The following ACSS3 variants were observed in gnomAD, a reference collection of about 807,000 sequenced individuals.
The protein encoded by ACSS3 is acyl-CoA synthetase short-chain family member 3, mitochondrial.
Under a neutral mutation model 84.2 loss-of-function variants are expected in ACSS3, and 64 were observed. That is an observed-to-expected ratio of 0.76 (90% CI 0.62 to 0.94). The LOEUF (loss-of-function observed/expected upper bound fraction) is 0.94, where lower values mean the gene tolerates loss of function less well. Among genes scored for constraint, ACSS3 ranks in the 40% least tolerant of loss-of-function variants. The probability of loss-of-function intolerance (pLI) is 0.00; values close to 1 mark genes in which losing one functional copy is unlikely to be tolerated. For synonymous variants in ACSS3, 317 were observed against 310.1 expected, an observed-to-expected ratio of 1.02 and a Z score of -0.23; for missense variants, 815 against 867.6, an observed-to-expected ratio of 0.94 and a Z score of 0.76.
At chr12:81,138,298 A>C (rs779471663) in intron 3 of ACSS3, among the ~76,000 whole-genome samples, 2 of 152,248 alleles carry the variant, frequency 1.3e-5, no homozygotes, top group Admixed American at 6.5e-5. Context: ...CATGCCAAGC[A>C]CTGTGCTAGG....
At chr12:81,107,543 T>C (rs1226608051) in intron 1 of ACSS3, among the ~76,000 whole-genome samples, 1,361 of 120,282 alleles carry the variant, frequency 0.011, 111 homozygotes, top group Non-Finnish European at 0.018. Flanking sequence ...TATATATATA[T>C]ATATATATAT....
intron 13 of ACSS3, among the ~76,000 whole-genome samples, chr12:81,244,070 T>G (rs532499846): frequency 4.6e-4 from 70 of 152,266 alleles, no homozygotes; most frequent in Admixed American, 9.8e-4. Context: ...AAAGTCTTTA[T>G]TTCTCCTTAA....
At chr12:81,190,174 T>C (rs2031492308) in intron 8 of ACSS3, among the ~76,000 whole-genome samples, 1 of 151,944 alleles carries the variant, frequency 6.6e-6, no homozygotes. Flanking sequence ...CAGATTTTAG[T>C]ATCAGCCTAG....
intron 1 of ACSS3, chr12:81,104,867 TA>T (rs1171376853): frequency 6.6e-6 from 1 of 151,914 alleles, no homozygotes; most frequent in Non-Finnish European, 1.5e-5. Flanking sequence ...TATTTTTGTT[TA>T]TTTTTTAATT....
intron 13 of ACSS3, among the ~76,000 whole-genome samples, chr12:81,240,028 T>TC (rs1321550005): frequency 6.6e-6 from 1 of 152,004 alleles, no homozygotes; most frequent in Non-Finnish European, 1.5e-5. Context: ...GACTTTTTTT[T>TC]CTTATTCTTA....
At chr12:81,193,545 A>G (rs549881554) in intron 8 of ACSS3, among the ~76,000 whole-genome samples, 5 of 151,606 alleles carry the variant, frequency 3.3e-5, no homozygotes, top group Non-Finnish European at 7.4e-5. Context: ...ATGCCCATTC[A>G]TTTTCTCTCC....
rs1320725903 is a variant in ACSS3, at chr12:81,216,885, A to G, written c.1355-16A>G. The G allele has an allele frequency of 6.3e-7, 1 of 1,593,888 alleles. No homozygotes were observed. The highest frequency in any genetic ancestry group is 1.7e-5 in the Admixed American group (1 of 59,864). ...AAGTTAAAACATGAAGTGATAAATA[A>G]CATTTCTTTTTCCAGAGACTGGATC... On this transcript the variant is annotated splice_polypyrimidine_tract_variant and intron_variant, in intron 9 of 15. Coordinates refer to ENST00000548058, the MANE Select transcript of ACSS3 (RefSeq NM_024560.4).
chr12:81,098,860 T>A (rs2121399390), intron 1 of ACSS3, among the ~76,000 whole-genome samples: 1 of 152,322 alleles, frequency 6.6e-6, no homozygotes, highest in East Asian at 1.9e-4. Flanking sequence ...TGTGCTTTCA[T>A]CATGCTTAGT....
chr12:81,228,386 T>C (rs2033340992), intron 11 of ACSS3, among the ~76,000 whole-genome samples: 1 of 151,846 alleles, frequency 6.6e-6, no homozygotes, highest in South Asian at 2.1e-4. Context: ...AAATGTGTAT[T>C]GTCCTTGTTC....
chr12:81,180,609 A>G (rs2030857686), intron 8 of ACSS3, among the ~76,000 whole-genome samples: 1 of 152,088 alleles, frequency 6.6e-6, no homozygotes, highest in Non-Finnish European at 1.5e-5. Flanking sequence ...TTTGCCTCCC[A>G]GGTTCAAGCG....
intron 9 of ACSS3, among the ~76,000 whole-genome samples, chr12:81,200,834 C>T (rs989617065): frequency 7.0e-5 from 10 of 141,964 alleles, no homozygotes; most frequent in Admixed American, 4.5e-4. Context: ...GAGGAGGTTG[C>T]GGTGAGCCAA....
intron 8 of ACSS3, among the ~76,000 whole-genome samples, chr12:81,192,989 A>T (rs537157077): frequency 6.6e-6 from 1 of 152,282 alleles, no homozygotes; most frequent in East Asian, 1.9e-4. Context: ...TTGTACTTGA[A>T]AAAGGGAGAG....
intron 2 of ACSS3, among the ~76,000 whole-genome samples, chr12:81,121,551 C>T (rs961872872): frequency 2.6e-5 from 4 of 151,798 alleles, no homozygotes; most frequent in African/African-American, 9.7e-5. Flanking sequence ...CCTTAATGTT[C>T]TCTTTTTACA....
intron 10 of ACSS3, among the ~76,000 whole-genome samples, chr12:81,219,249 C>A (rs1374196864): frequency 6.6e-6 from 1 of 152,058 alleles, no homozygotes; most frequent in Non-Finnish European, 1.5e-5. Flanking sequence ...ACAGATACTT[C>A]TACTAACTGT....
intron 7 of ACSS3, among the ~76,000 whole-genome samples, chr12:81,170,086 G>A (rs2029921169): frequency 6.6e-6 from 1 of 152,100 alleles, no homozygotes. Flanking sequence ...CTCAAGACCT[G>A]AAGAAATGGA....
intron 7 of ACSS3, among the ~76,000 whole-genome samples, chr12:81,173,408 A>C (rs866150873): frequency 6.6e-6 from 1 of 152,310 alleles, no homozygotes. Context: ...TGGTATTAAA[A>C]GAGCAAAATA....
intron 5 of ACSS3, among the ~76,000 whole-genome samples, chr12:81,149,158 GT>G (rs777249889): frequency 9.9e-5 from 15 of 152,192 alleles, no homozygotes; most frequent in Admixed American, 5.2e-4. Context: ...GAAGGTTTGT[GT>G]TTTAGGGGTA....
chr12:81,119,089 G>A (rs892234915), intron 2 of ACSS3, among the ~76,000 whole-genome samples: 22 of 152,072 alleles, frequency 1.4e-4, no homozygotes, highest in Non-Finnish European at 1.5e-4. Context: ...TTTTACAGCC[G>A]GGCTGCTGGG....
chr12:81,140,738 A>T (rs1886053527), intron 4 of ACSS3, among the ~76,000 whole-genome samples: 3 of 152,158 alleles, frequency 2.0e-5, no homozygotes, highest in Admixed American at 2.0e-4. Flanking sequence ...AGTAATATAG[A>T]AGGCTTTGGG....
Sources: gnomAD v4.1 joint callset for allele counts (sites outside exome capture counted in the v4.1 genomes callset) on GRCh38, gnomAD v4.1.1 for gene constraint, MANE v1.5 for transcripts, NCBI Gene and HGNC (gene_info 2026-07-23, HGNC 2026-07-21) for gene names.